Variants in OR10J1 observed in about 807,000 individuals in gnomAD.
The protein encoded by OR10J1 is olfactory receptor family 10 subfamily J member 1, also known as olfactory receptor 10J1.
For synonymous variants in OR10J1, 202 were observed against 143.8 expected, an observed-to-expected ratio of 1.40 and a Z score of -2.89; for missense variants, 474 against 376.6, an observed-to-expected ratio of 1.26 and a Z score of -2.14.
the OR10J1 span, among the ~76,000 whole-genome samples, chr1:159,424,618 T>C: frequency 6.6e-6 from 1 of 151,818 alleles, no homozygotes; most frequent in East Asian, 1.9e-4. Context: ...AAGAAAACTT[T>C]GGAAAATAAG....
At chr1:159,422,489 G>A in the OR10J1 span, among the ~76,000 whole-genome samples, 2 of 152,146 alleles carry the variant, frequency 1.3e-5, no homozygotes, top group Admixed American at 6.5e-5. Context: ...CCATCCCTCC[G>A]CAGGTGAGAT....
the OR10J1 span, among the ~76,000 whole-genome samples, chr1:159,408,471 G>A: frequency 1.4e-5 from 2 of 147,652 alleles, no homozygotes; most frequent in African/African-American, 5.0e-5. Flanking sequence ...GTTGGGGGAT[G>A]GGGGGAGGGG....
At chr1:159,401,853 A>T in the OR10J1 span, among the ~76,000 whole-genome samples, 33 of 152,076 alleles carry the variant, frequency 2.2e-4, no homozygotes, top group Non-Finnish European at 2.9e-5. Flanking sequence ...TCAACAAAAT[A>T]CTAGCAAACA....
upstream of OR10J1, among the ~76,000 whole-genome samples, chr1:159,436,964 T>A (rs1444537692): frequency 6.6e-6 from 1 of 152,182 alleles, no homozygotes; most frequent in African/African-American, 2.4e-5. Context: ...CAGCACCTCA[T>A]CCATTTCTGT....
At chr1:159,404,548 G>A in the OR10J1 span, among the ~76,000 whole-genome samples, 2 of 152,072 alleles carry the variant, frequency 1.3e-5, no homozygotes, top group Admixed American at 6.6e-5. Context: ...AATTATTATG[G>A]CAGTTTTCAA....
the OR10J1 span, chr1:159,406,036 T>G: frequency 4.7e-6 from 2 of 425,466 alleles, no homozygotes; most frequent in Non-Finnish European, 9.1e-6. Flanking sequence ...AGAAAGCAGT[T>G]GTTGATGCCA....
upstream of OR10J1, among the ~76,000 whole-genome samples, chr1:159,436,403 C>T (rs1263381931): frequency 6.6e-6 from 1 of 152,086 alleles, no homozygotes; most frequent in African/African-American, 2.4e-5. Context: ...CAGTTACAAG[C>T]CCTATTGATT....
At chr1:159,403,234 A>C in the OR10J1 span, among the ~76,000 whole-genome samples, 1 of 152,126 alleles carries the variant, frequency 6.6e-6, no homozygotes, top group African/African-American at 2.4e-5. Flanking sequence ...ACCCACAAAC[A>C]CAGGCAACCA....
In OR10J1 at chr1:159,439,777, T is replaced by G; in HGVS notation, c.-15T>G. Reference sequence around the variant, plus strand: ...GACTTTTATGCTTTTATGTTTCAGATTTGGGAACCAATCCATGAAAAGAGA... The same window carrying G: ...GACTTTTATGCTTTTATGTTTCAGAGTTGGGAACCAATCCATGAAAAGAGA... On this transcript the variant is annotated 5_prime_UTR_variant, in exon 1 of 1. Coordinates refer to ENST00000423932, the MANE Select transcript of OR10J1 (RefSeq NM_012351.3). 2 of 1,613,866 alleles carry G rather than the reference T, an allele frequency of 1.2e-6. No individual in the cohort carries two copies. Among genetic ancestry groups the G allele is most frequent in the East Asian group, 4.5e-5 (2 of 44,888 alleles).
chr1:159,411,907 G>C, the OR10J1 span, among the ~76,000 whole-genome samples: 4 of 152,128 alleles, frequency 2.6e-5, no homozygotes, highest in African/African-American at 9.6e-5. Flanking sequence ...GTCCCTGTTT[G>C]CAGATGACAT....
chr1:159,435,106 T>A (rs1464632081), upstream of OR10J1, among the ~76,000 whole-genome samples: 2 of 152,190 alleles, frequency 1.3e-5, no homozygotes, highest in Non-Finnish European at 2.9e-5. Context: ...TCTGCTTATG[T>A]GGAACTAGAC....
chr1:159,423,240 A>G, the OR10J1 span, among the ~76,000 whole-genome samples: 1 of 152,308 alleles, frequency 6.6e-6, no homozygotes, highest in East Asian at 1.9e-4. Flanking sequence ...TATAGAGGCC[A>G]ATATTTACCC....
At chr1:159,404,264 G>T in the OR10J1 span, among the ~76,000 whole-genome samples, 1 of 152,044 alleles carries the variant, frequency 6.6e-6, no homozygotes, top group Non-Finnish European at 1.5e-5. Flanking sequence ...CTCTTGAAAA[G>T]GCCTGAGTTG....
the OR10J1 span, among the ~76,000 whole-genome samples, chr1:159,399,124 A>G: frequency 6.6e-6 from 1 of 152,200 alleles, no homozygotes; most frequent in African/African-American, 2.4e-5. Context: ...GCCAGGAGAG[A>G]ATAACATGAC....
the OR10J1 span, among the ~76,000 whole-genome samples, chr1:159,402,651 G>A: frequency 6.6e-6 from 1 of 151,890 alleles, no homozygotes; most frequent in Non-Finnish European, 1.5e-5. Flanking sequence ...GTTTATGGGT[G>A]GAAGAATCAA....
the OR10J1 span, among the ~76,000 whole-genome samples, chr1:159,408,117 A>C: frequency 6.6e-6 from 1 of 152,044 alleles, no homozygotes; most frequent in Non-Finnish European, 1.5e-5. Flanking sequence ...AGGGCCCAGC[A>C]TTTCTAAGAT....
chr1:159,406,317 G>T, the OR10J1 span: 1 of 501,964 alleles, frequency 2.0e-6, no homozygotes, highest in Non-Finnish European at 4.1e-6. Context: ...TGAAGCTGGA[G>T]AAACCTTCAA....
chr1:159,422,052 C>T, the OR10J1 span, among the ~76,000 whole-genome samples: 7 of 152,156 alleles, frequency 4.6e-5, no homozygotes, highest in African/African-American at 1.4e-4. Flanking sequence ...GCAGGTGGCA[C>T]ATTCATGTGA....
chr1:159,438,504 C>T (rs1655805153), upstream of OR10J1, among the ~76,000 whole-genome samples: 1 of 152,230 alleles, frequency 6.6e-6, no homozygotes, highest in Non-Finnish European at 1.5e-5. Context: ...AGTTTTTGCT[C>T]AGAAGCCTCA....
Sources: gnomAD v4.1 joint callset for allele counts (sites outside exome capture counted in the v4.1 genomes callset) on GRCh38, gnomAD v4.1.1 for gene constraint, MANE v1.5 for transcripts, NCBI Gene and HGNC (gene_info 2026-07-23, HGNC 2026-07-21) for gene names.